Variants in COL6A5 observed in about 807,000 individuals in gnomAD.
COL6A5 encodes the protein collagen alpha-5(VI) chain.
In COL6A5, 48 loss-of-function variants were observed where a neutral mutation model predicts 65.6. The observed-to-expected ratio is 0.73, with a 90% confidence interval of 0.58 to 0.93. The LOEUF is 0.93. Among genes scored for constraint, COL6A5 ranks in the 40% least tolerant of loss-of-function variants. COL6A5 has a pLI of 0.00. For missense variants in COL6A5, 914 were observed against 928.3 expected (o/e 0.98, Z 0.20); for synonymous variants, 291 against 322.8 (o/e 0.90, Z 1.05).
chr3:130,438,596 G>C (rs1475785017), intron 1 of COL6A5, among the ~76,000 whole-genome samples: 1 of 152,122 alleles, frequency 6.6e-6, no homozygotes, highest in Non-Finnish European at 1.5e-5. Flanking sequence ...CATATGGCTG[G>C]AATGATTATA....
intron 20 of COL6A5, among the ~76,000 whole-genome samples, 200 bp from the exon 21 acceptor site, chr3:130,413,345 G>A (rs912005086): frequency 6.6e-6 from 1 of 151,800 alleles, no homozygotes; most frequent in Non-Finnish European, 1.5e-5. Flanking sequence ...TTTTAGATTA[G>A]TTTGCAATCA....
chr3:130,474,352 A>T (rs936299295), intron 7 of COL6A5, among the ~76,000 whole-genome samples: 1 of 152,146 alleles, frequency 6.6e-6, no homozygotes, highest in Non-Finnish European at 1.5e-5. Flanking sequence ...ACAGAGAATC[A>T]TAACAGGACT....
Position 130,398,122 on chromosome 3 carries a change from G to GTTTTTTTT in COL6A5, c.3991+13_3991+14insTTTTTTTT, listed in dbSNP as rs1378073311. ...GGCTCAGAGAAGCAGGTATTGAGTTGTTGTTGTTTTTTTTTTTTTTTTTTT... is the reference window on the plus strand; with the variant it reads ...GGCTCAGAGAAGCAGGTATTGAGTTGTTTTTTTTTTGTTGTTTTTTTTTTTTTTTTTTT... On this transcript the variant is annotated intron_variant and NMD_transcript_variant, in intron 10 of 41. Coordinates refer to the COL6A5 transcript ENST00000312481. 3.4e-6 allele frequency: 4 copies of GTTTTTTTT among 1,161,762 alleles called. No individual in the cohort carries two copies. Among genetic ancestry groups the GTTTTTTTT allele is most frequent in the Middle Eastern group, 2.7e-4 (1 of 3,676 alleles). 72.0% of individuals were successfully genotyped at this position (1,161,762 alleles called of 1,614,324 possible).
At chr3:130,438,506 C>T (rs1709092586) in intron 1 of COL6A5, among the ~76,000 whole-genome samples, 1 of 152,112 alleles carries the variant, frequency 6.6e-6, no homozygotes, top group Non-Finnish European at 1.5e-5. Context: ...GTGGGACCAA[C>T]AAGGTCAAAT....
At chr3:130,353,925 T>G (rs1231221112) in intron 1 of COL6A5, among the ~76,000 whole-genome samples, 1 of 151,848 alleles carries the variant, frequency 6.6e-6, no homozygotes, top group Non-Finnish European at 1.5e-5. Context: ...CATCTTTTAA[T>G]TAAAGAAATG....
At chr3:130,440,283 T>A in exon 3 of COL6A5, 1 of 1,613,368 alleles carries the variant, frequency 6.2e-7, no homozygotes, top group Non-Finnish European at 8.5e-7. Flanking sequence ...TTTAAGGCTG[T>A]GAAAGCCTTG....
rs1030289057 is a variant in COL6A5, at chr3:130,410,390, C to G, written c.4609-81C>G. On this transcript the variant is annotated intron_variant and NMD_transcript_variant, in intron 19 of 41. Transcript: ENST00000312481. ...TGTTTATTCTGCCATTTTAATAGTG[C>G]TTGAGGTTTTGATGCTGATGCCTTT... 4 of 990,490 alleles carry G rather than the reference C, an allele frequency of 4.0e-6. No individual in the cohort carries two copies. In the African/African-American group the frequency reaches 4.9e-5, roughly 12 times the overall value. The allele number at this position is 990,490 out of a possible 1,614,324, so 61.4% of individuals were successfully genotyped here. A position where few individuals can be genotyped will look rare whatever the true frequency, so the allele number is the denominator to read the frequency against.
At chr3:130,412,455 A>G (rs1355967035) in intron 20 of COL6A5, among the ~76,000 whole-genome samples, 1 of 152,174 alleles carries the variant, frequency 6.6e-6, no homozygotes, top group African/African-American at 2.4e-5. Flanking sequence ...TTTAAAGAAC[A>G]AAACTGAGCT....
intron 1 of COL6A5, among the ~76,000 whole-genome samples, chr3:130,350,077 CCTT>C (rs1478456165): frequency 6.6e-6 from 1 of 152,180 alleles, no homozygotes; most frequent in African/African-American, 2.4e-5. Context: ...CATTGGCTAA[CCTT>C]AGCTACAAAG....
chr3:130,366,490 A>T (rs1192025847), intron 1 of COL6A5, among the ~76,000 whole-genome samples: 1 of 152,178 alleles, frequency 6.6e-6, no homozygotes, highest in Non-Finnish European at 1.5e-5. Flanking sequence ...AAATGAGATC[A>T]TTCTATAGCT....
chr3:130,403,695 T>G, intron 13 of COL6A5, 33 bp downstream of exon 13: 2 of 1,480,952 alleles, frequency 1.4e-6, no homozygotes, highest in East Asian at 2.5e-5. Context: ...CACCCCCTGT[T>G]GCACACACAC....
At chr3:130,402,103 T>C (rs11919777) in intron 12 of COL6A5, among the ~76,000 whole-genome samples, 13,694 of 152,226 alleles carry the variant, frequency 0.09, 1,257 homozygotes, top group East Asian at 0.34. Context: ...TTTATACTTT[T>C]GTACCTGCTT....
chr3:130,484,519 C>A, exon 8 of COL6A5: 3 of 399,118 alleles, frequency 7.5e-6, no homozygotes, highest in Non-Finnish European at 1.3e-5. Flanking sequence ...TCTGGGGTGA[C>A]CCTAACATTT....
intron 11 of COL6A5, 23 bp downstream of exon 11, chr3:130,401,196 C>A (rs974858499): frequency 6.6e-7 from 1 of 1,516,872 alleles, no homozygotes. Context: ...ACAAAATCCC[C>A]GGTTGTTCAA....
intron 5 of COL6A5, among the ~76,000 whole-genome samples, chr3:130,456,917 C>T (rs1223622521): frequency 2.6e-5 from 4 of 151,744 alleles, no homozygotes; most frequent in Non-Finnish European, 4.4e-5. Flanking sequence ...CTAAACTTAC[C>T]TTTGTAGAAG....
intron 3 of COL6A5, among the ~76,000 whole-genome samples, chr3:130,442,265 A>G (rs188212709): frequency 1.6e-3 from 239 of 152,302 alleles, no homozygotes; most frequent in African/African-American, 5.6e-3. Flanking sequence ...GCATGCATAA[A>G]AAGAAAATCT....
exon 6 of COL6A5, chr3:130,389,022 A>T (rs941122762): frequency 6.5e-7 from 1 of 1,541,448 alleles, no homozygotes; most frequent in Non-Finnish European, 8.8e-7. Flanking sequence ...ATGCCAATAG[A>T]TCTCAGCTAG....
intron 1 of COL6A5, among the ~76,000 whole-genome samples, chr3:130,435,674 A>C (rs1268477416): frequency 6.6e-6 from 1 of 152,014 alleles, no homozygotes; most frequent in East Asian, 1.9e-4. Flanking sequence ...TGTATTGCTA[A>C]GTATTGTATT....
chr3:130,413,399 CT>C, intron 20 of COL6A5, 145 bp from the exon 21 acceptor site: 1 of 713,670 alleles, frequency 1.4e-6, no homozygotes, highest in South Asian at 1.8e-5. Flanking sequence ...AGTGTGAAAG[CT>C]TGTCTATGGA....
Sources: allele counts gnomAD v4.1 joint callset (sites outside exome capture counted in the v4.1 genomes callset), GRCh38; gene constraint gnomAD v4.1.1; transcripts MANE v1.5; gene names NCBI Gene and HGNC (gene_info 2026-07-23, HGNC 2026-07-21).